The following GRB10 variants were observed in gnomAD, a reference collection of about 807,000 sequenced individuals.
The protein encoded by GRB10 is growth factor receptor-bound protein 10.
A neutral mutation model predicts 80.9 loss-of-function variants in GRB10; 20 were observed. The ratio of observed to expected loss-of-function variants is 0.25; its 90% confidence interval spans 0.17 to 0.36. GRB10 has a LOEUF of 0.36. Among genes scored for constraint, GRB10 ranks in the 10% least tolerant of loss-of-function variants. GRB10 has a pLI of 1.00. For synonymous variants in GRB10, 291 were observed against 291.5 expected (o/e 1.00, Z 0.02); for missense variants, 548 against 747.7 (o/e 0.73, Z 3.12).
At chr7:50,725,101 G>A (rs139513073) in intron 4 of GRB10, among the ~76,000 whole-genome samples, 9 of 152,254 alleles carry the variant, frequency 5.9e-5, no homozygotes, top group Non-Finnish European at 1.2e-4. Flanking sequence ...CGACTGATAT[G>A]GTTTGCATTT....
chr7:50,763,964 C>T (rs776396127), intron 2 of GRB10, among the ~76,000 whole-genome samples: 3 of 152,242 alleles, frequency 2.0e-5, no homozygotes, highest in East Asian at 1.9e-4. Context: ...CCAGGCCTGA[C>T]GCGTGTGGCC....
chr7:50,645,646 G>A (rs926182629), intron 7 of GRB10: 8 of 985,072 alleles, frequency 8.1e-6, no homozygotes, highest in Middle Eastern at 5.2e-4. Flanking sequence ...GAGGTCTCCA[G>A]GCAGATCTGA....
intron 7 of GRB10, among the ~76,000 whole-genome samples, chr7:50,635,060 G>C (rs907041989): frequency 6.7e-6 from 1 of 148,906 alleles, no homozygotes; most frequent in Non-Finnish European, 1.5e-5. Context: ...TATAGAACAT[G>C]CTACCCAGCA....
chr7:50,681,996 T>C (rs1283467353), intron 5 of GRB10, among the ~76,000 whole-genome samples: 3 of 152,142 alleles, frequency 2.0e-5, no homozygotes, highest in Non-Finnish European at 4.4e-5. Context: ...AGGTGATCCT[T>C]AGAAGAAACA....
At chr7:50,662,081 G>A (rs2059336694) in intron 7 of GRB10, among the ~76,000 whole-genome samples, 1 of 152,254 alleles carries the variant, frequency 6.6e-6, no homozygotes, top group Admixed American at 6.5e-5. Flanking sequence ...CATCTCAGCA[G>A]CTGGTGTTAC....
At chr7:50,646,229 C>T (rs532310276) in intron 7 of GRB10, among the ~76,000 whole-genome samples, 60 of 152,300 alleles carry the variant, frequency 3.9e-4, no homozygotes, top group Non-Finnish European at 2.8e-4. Context: ...CACCCTAGAA[C>T]GTGAGGTTAC....
intron 12 of GRB10, 63 bp downstream of exon 12, chr7:50,614,707 G>C: frequency 3.1e-6 from 3 of 979,636 alleles, no homozygotes; most frequent in Non-Finnish European, 3.3e-6. Context: ...CTGGGCAAGA[G>C]AAGAAGTCAG....
At chr7:50,593,458 C>T (rs2046078236) in intron 18 of GRB10, among the ~76,000 whole-genome samples, 2 of 152,102 alleles carry the variant, frequency 1.3e-5, no homozygotes, top group Non-Finnish European at 2.9e-5. Context: ...ACACAGCATG[C>T]CCCGAGAAGA....
intron 7 of GRB10, among the ~76,000 whole-genome samples, chr7:50,634,654 G>A (rs570391994): frequency 1.3e-5 from 2 of 152,256 alleles, no homozygotes; most frequent in South Asian, 2.1e-4. Flanking sequence ...CCCACCTAAC[G>A]GCTAAAGACA....
intron 4 of GRB10, among the ~76,000 whole-genome samples, chr7:50,704,780 C>T (rs950434039): frequency 6.6e-6 from 1 of 152,178 alleles, no homozygotes; most frequent in Non-Finnish European, 1.5e-5. Flanking sequence ...GAGGTGCTGG[C>T]GACAGCCAAC....
At chr7:50,718,556 G>A (rs56037894) in intron 4 of GRB10, among the ~76,000 whole-genome samples, 11,954 of 152,178 alleles carry the variant, frequency 0.079, 586 homozygotes, top group East Asian at 0.17. Flanking sequence ...GAGGATCCCA[G>A]AGTATAGAAC....
chr7:50,752,760 C>T (rs1007526004), intron 3 of GRB10, among the ~76,000 whole-genome samples: 5 of 152,124 alleles, frequency 3.3e-5, no homozygotes, highest in African/African-American at 1.2e-4. Flanking sequence ...GGCTGAGCCC[C>T]GCAAGGCAGA....
At chr7:50,776,439 T>C (rs1389142065) in intron 2 of GRB10, among the ~76,000 whole-genome samples, 1 of 152,154 alleles carries the variant, frequency 6.6e-6, no homozygotes, top group Non-Finnish European at 1.5e-5. Context: ...CAGGCTGGTC[T>C]TGAACTCCTG....
At chr7:50,629,615 A>AT (rs2053625403) in intron 7 of GRB10, among the ~76,000 whole-genome samples, 2 of 152,238 alleles carry the variant, frequency 1.3e-5, no homozygotes, top group African/African-American at 4.8e-5. Context: ...AGCCCTGTGT[A>AT]TACCAGCCAT....
chr7:50,776,971 C>T (rs1385707094), intron 2 of GRB10, among the ~76,000 whole-genome samples: 1 of 152,212 alleles, frequency 6.6e-6, no homozygotes, highest in Admixed American at 6.5e-5. Flanking sequence ...ACTGTTCCAT[C>T]CTCTACCCAT....
intron 4 of GRB10, among the ~76,000 whole-genome samples, chr7:50,708,998 C>T (rs2065459329): frequency 6.6e-6 from 1 of 152,114 alleles, no homozygotes; most frequent in African/African-American, 2.4e-5. Context: ...TACTCAGAGC[C>T]CTTAATCACT....
intron 3 of GRB10, among the ~76,000 whole-genome samples, chr7:50,745,086 G>A (rs545122446): frequency 9.9e-5 from 15 of 151,366 alleles, no homozygotes; most frequent in East Asian, 1.9e-4. Flanking sequence ...GGTATTTCTC[G>A]GCTATGCTGT....
chr7:50,606,469 T>A, intron 13 of GRB10, 55 bp from the exon 14 acceptor site: 1 of 1,272,116 alleles, frequency 7.9e-7, no homozygotes, highest in Non-Finnish European at 1.2e-6. Context: ...AGGCCCGGCA[T>A]GTGACAAACG....
At chr7:50,668,966 G>A (rs1039922230) in intron 7 of GRB10, among the ~76,000 whole-genome samples, 2 of 152,144 alleles carry the variant, frequency 1.3e-5, no homozygotes, top group Non-Finnish European at 2.9e-5. Context: ...ATTGCCCTGC[G>A]GGTCCAATGG....
Sources: gnomAD v4.1 joint callset for allele counts (sites outside exome capture counted in the v4.1 genomes callset) on GRCh38, gnomAD v4.1.1 for gene constraint, MANE v1.5 for transcripts, NCBI Gene and HGNC (gene_info 2026-07-23, HGNC 2026-07-21) for gene names.